The following DLGAP1 variants were observed in gnomAD, a reference collection of about 807,000 sequenced individuals.
DLGAP1 encodes DLG associated protein 1, also known as disks large-associated protein 1.
In DLGAP1, 11 loss-of-function variants were observed where a neutral mutation model predicts 90.8. That is an observed-to-expected ratio of 0.12 (90% CI 0.08 to 0.20). DLGAP1 has a LOEUF of 0.20. Among genes scored for constraint, DLGAP1 ranks in the 10% least tolerant of loss-of-function variants. DLGAP1 has a pLI of 1.00. For synonymous variants in DLGAP1, 558 were observed against 540.7 expected, an observed-to-expected ratio of 1.03 and a Z score of -0.44; for missense variants, 1,050 against 1,333.8, an observed-to-expected ratio of 0.79 and a Z score of 3.31.
At chr18:4,104,122 G>A (rs2075822602) in intron 2 of DLGAP1, among the ~76,000 whole-genome samples, 1 of 151,850 alleles carries the variant, frequency 6.6e-6, no homozygotes, top group African/African-American at 2.4e-5. Flanking sequence ...CTACTACCTG[G>A]ATGTAGTTTC....
At chr18:4,443,476 T>C (rs2083586577) in intron 1 of DLGAP1, among the ~76,000 whole-genome samples, 1 of 152,200 alleles carries the variant, frequency 6.6e-6, no homozygotes, top group South Asian at 2.1e-4. Flanking sequence ...CATTTTTTCA[T>C]AAATATAGGG....
rs1006860421 is a variant in DLGAP1, at chr18:3,655,063, A to T, written c.1592-72815T>A. Among the ~76,000 whole-genome samples the T allele has an allele frequency of 6.4e-4, 98 of 151,984 alleles. 1 individual carries two copies. Among genetic ancestry groups the T allele is most frequent in the Non-Finnish European group, 3.2e-4 (22 of 67,958 alleles). On this transcript the variant is annotated intron_variant, in intron 7 of 12. Coordinates refer to ENST00000315677, the MANE Select transcript of DLGAP1 (RefSeq NM_004746.4). Reference sequence around the variant, plus strand: ...CAACCTTGAAACTCCAGCCCCCTGAACGGCCTCACCACTCCAACCCCCACT... The same window carrying T: ...CAACCTTGAAACTCCAGCCCCCTGATCGGCCTCACCACTCCAACCCCCACT...
At chr18:3,640,746 A>C (rs1225739437) in intron 7 of DLGAP1, among the ~76,000 whole-genome samples, 1 of 152,232 alleles carries the variant, frequency 6.6e-6, no homozygotes, top group African/African-American at 2.4e-5. Context: ...AGCAAACCTT[A>C]TGTCTGCTTA....
At chr18:4,069,085 TATAG>T (rs2075410133) in intron 2 of DLGAP1, among the ~76,000 whole-genome samples, 2 of 152,218 alleles carry the variant, frequency 1.3e-5, no homozygotes, top group Admixed American at 6.6e-5. Flanking sequence ...TCTGAGAGTA[TATAG>T]ATAGATATTA....
chr18:3,873,382 C>A (rs2070871007), intron 4 of DLGAP1, among the ~76,000 whole-genome samples: 1 of 152,022 alleles, frequency 6.6e-6, no homozygotes, highest in Non-Finnish European at 1.5e-5. Context: ...CATTCAGGAA[C>A]CTTGACATTC....
intron 3 of DLGAP1, 64 bp from the exon 4 acceptor site, chr18:3,880,204 T>C: frequency 1.3e-6 from 1 of 790,452 alleles, no homozygotes; most frequent in Non-Finnish European, 2.0e-6. Context: ...TATTGCACTT[T>C]ACAGGGTCTT....
chr18:3,798,026 G>A (rs1378738570), intron 5 of DLGAP1, among the ~76,000 whole-genome samples: 3 of 152,070 alleles, frequency 2.0e-5, no homozygotes, highest in East Asian at 1.9e-4. Context: ...TGATTGTGAG[G>A]CCTCCCCAGC....
intron 3 of DLGAP1, among the ~76,000 whole-genome samples, chr18:3,970,761 T>C (rs1005319342): frequency 1.3e-5 from 2 of 152,062 alleles, no homozygotes; most frequent in East Asian, 3.8e-4. Flanking sequence ...ATCTTGACAT[T>C]AATATTAACA....
chr18:3,734,284 G>A (rs60422926), intron 6 of DLGAP1, among the ~76,000 whole-genome samples: 1 of 151,424 alleles, frequency 6.6e-6, no homozygotes, highest in East Asian at 1.9e-4. Context: ...ATAGGGTCTA[G>A]CTCTGTTGCC....
chr18:4,396,048 C>T (rs142969995), intron 1 of DLGAP1, among the ~76,000 whole-genome samples: 2 of 152,150 alleles, frequency 1.3e-5, no homozygotes, highest in Admixed American at 6.5e-5. Context: ...CTAACTCCAC[C>T]GGCTGCGGGC....
chr18:3,616,940 C>G (rs190316544), intron 7 of DLGAP1, among the ~76,000 whole-genome samples: 4 of 152,108 alleles, frequency 2.6e-5, no homozygotes, highest in Non-Finnish European at 4.4e-5. Context: ...ATAAGTAGCC[C>G]AGCTGTCCTG....
At chr18:3,765,291 T>C (rs1353413964) in intron 5 of DLGAP1, among the ~76,000 whole-genome samples, 7 of 150,576 alleles carry the variant, frequency 4.6e-5, no homozygotes, top group South Asian at 4.2e-4. Flanking sequence ...CCACCACGCC[T>C]GGCTAGTTTT....
intron 4 of DLGAP1, among the ~76,000 whole-genome samples, chr18:3,872,996 T>G (rs1297467528): frequency 6.6e-6 from 1 of 152,172 alleles, no homozygotes; most frequent in Admixed American, 6.5e-5. Context: ...ACCAAGCACT[T>G]TGGTGTTGCC....
At chr18:3,765,296 AG>A (rs1219242582) in intron 5 of DLGAP1, among the ~76,000 whole-genome samples, 3 of 149,752 alleles carry the variant, frequency 2.0e-5, no homozygotes, top group African/African-American at 4.9e-5. Context: ...ACGCCTGGCT[AG>A]TTTTTTGTAT....
intron 3 of DLGAP1, among the ~76,000 whole-genome samples, chr18:3,935,328 T>C (rs1191867336): frequency 6.6e-6 from 1 of 151,520 alleles, no homozygotes; most frequent in African/African-American, 2.4e-5. Context: ...GACTTGAAGA[T>C]TAATTAAGTG....
At chr18:4,236,214 A>C (rs1417166339) in intron 1 of DLGAP1, among the ~76,000 whole-genome samples, 3 of 152,182 alleles carry the variant, frequency 2.0e-5, no homozygotes, top group African/African-American at 7.2e-5. Flanking sequence ...TGAGGTTTCA[A>C]TCAGTAAGTA....
At chr18:3,942,104 A>G (rs1426654124) in intron 3 of DLGAP1, among the ~76,000 whole-genome samples, 1 of 152,182 alleles carries the variant, frequency 6.6e-6, no homozygotes, top group Non-Finnish European at 1.5e-5. Flanking sequence ...TTTTGGATTT[A>G]GGTAGTGGTC....
Position 3,711,636 on chromosome 18 carries a change from T to C in DLGAP1, c.1591+17499A>G, listed in dbSNP as rs2061600246. Among the ~76,000 whole-genome samples, 1 of 152,068 alleles carries C rather than the reference T, an allele frequency of 6.6e-6. No homozygotes were observed. Among genetic ancestry groups the C allele is most frequent in the South Asian group, 2.1e-4 (1 of 4,818 alleles). On this transcript the variant is annotated intron_variant, in intron 7 of 12. Transcript: ENST00000315677. This position sits in a 1 kb window ranked among gnomAD's most constrained non-coding sequence, Gnocchi z 4.0. ...GGAGGATCACTTGAGCCCAGGAGTC[T>C]GAGACCAGCCTGGGCAACACAGCAA...
At chr18:3,861,495 CCT>C (rs1458525208) in intron 4 of DLGAP1, among the ~76,000 whole-genome samples, 1 of 152,096 alleles carries the variant, frequency 6.6e-6, no homozygotes. Flanking sequence ...CACCCACTCC[CCT>C]GACTTTTATA....
Sources: allele counts gnomAD v4.1 joint callset (sites outside exome capture counted in the v4.1 genomes callset), GRCh38; gene constraint gnomAD v4.1.1; non-coding constraint Gnocchi (gnomAD v3.1); transcripts MANE v1.5; gene names NCBI Gene and HGNC (gene_info 2026-07-23, HGNC 2026-07-21).